The following IL7 variants were observed in gnomAD, a reference collection of about 807,000 sequenced individuals.
The protein encoded by IL7 is interleukin-7.
IL7 carries 3 observed loss-of-function variants against 21.6 expected under a neutral mutation model. That is an observed-to-expected ratio of 0.14 (90% CI 0.06 to 0.36). The LOEUF is 0.36. Ranked by LOEUF, IL7 falls within the 10% of genes least tolerant of loss-of-function variation. IL7 has a pLI of 1.00. For missense variants in IL7, 175 were observed against 200.2 expected (o/e 0.87, Z 0.76); for synonymous variants, 62 against 68.1 (o/e 0.91, Z 0.44).
At chr8:78,696,442 A>T (rs1810417722) in intron 3 of IL7, among the ~76,000 whole-genome samples, 1 of 152,258 alleles carries the variant, frequency 6.6e-6, no homozygotes, top group Non-Finnish European at 1.5e-5. Context: ...GGCTAGAACC[A>T]GCATGAGTCT....
chr8:78,703,860 C>CT (rs1810684879), intron 3 of IL7, among the ~76,000 whole-genome samples: 1 of 152,114 alleles, frequency 6.6e-6, no homozygotes, highest in Non-Finnish European at 1.5e-5. Context: ...GTTTATGTAA[C>CT]TAACAGTTTT....
chr8:78,684,302 C>T (rs1325261457), intron 4 of IL7, among the ~76,000 whole-genome samples: 1 of 152,194 alleles, frequency 6.6e-6, no homozygotes, highest in Non-Finnish European at 1.5e-5. Flanking sequence ...GCCTCACAAT[C>T]ATGGTGGAAG....
chr8:78,796,126 T>C (rs1813845548), intron 2 of IL7, among the ~76,000 whole-genome samples: 1 of 152,006 alleles, frequency 6.6e-6, no homozygotes, highest in Non-Finnish European at 1.5e-5. Flanking sequence ...TCTGAAACCT[T>C]GGAAAAAATT....
rs1811483571 is a variant in IL7, at chr8:78,733,688, T to A, written c.*25A>T. ...TTGGAGGATGCAGCTAAAGTTCGTG[T>A]TTCTATATTGCCACTCCATATTTTT... On this transcript the variant is annotated 3_prime_UTR_variant, in exon 6 of 6. Coordinates refer to ENST00000263851, the MANE Select transcript of IL7 (RefSeq NM_000880.4). 4 of 1,591,604 alleles carry A rather than the reference T, an allele frequency of 2.5e-6. No homozygotes were observed. Among genetic ancestry groups the A allele is most frequent in the Admixed American group, 3.6e-5 (2 of 55,440 alleles).
At chr8:78,785,945 A>G (rs994986394) in intron 2 of IL7, among the ~76,000 whole-genome samples, 1 of 152,128 alleles carries the variant, frequency 6.6e-6, no homozygotes, top group African/African-American at 2.4e-5. Flanking sequence ...AAGTGGGAAA[A>G]CCTGTGGTCA....
intron 2 of IL7, among the ~76,000 whole-genome samples, chr8:78,757,996 T>C (rs1415194440): frequency 6.6e-6 from 1 of 152,078 alleles, no homozygotes; most frequent in Non-Finnish European, 1.5e-5. Flanking sequence ...TCATGTAAGA[T>C]ATCCCTTTGT....
intron 4 of IL7, chr8:78,679,415 T>C (rs891630892): frequency 6.6e-6 from 1 of 152,222 alleles, no homozygotes; most frequent in Non-Finnish European, 1.5e-5. Context: ...GCTTTATGTC[T>C]AGATTACTTA....
chr8:78,771,292 G>T (rs1162632577), intron 2 of IL7, among the ~76,000 whole-genome samples: 1 of 151,898 alleles, frequency 6.6e-6, no homozygotes, highest in South Asian at 2.1e-4. Context: ...GTTTTGATTG[G>T]TCTAAGACTT....
chr8:78,698,376 TTAGAG>T (rs752717675), intron 3 of IL7: 2 of 1,525,100 alleles, frequency 1.3e-6, no homozygotes, highest in Admixed American at 1.8e-5. Context: ...GTAACCTTTT[TTAGAG>T]TATTGTTAAA....
chr8:78,776,312 C>T (rs1450222837), intron 2 of IL7, among the ~76,000 whole-genome samples: 2 of 151,982 alleles, frequency 1.3e-5, no homozygotes, highest in Non-Finnish European at 2.9e-5. Flanking sequence ...GATGATTCAC[C>T]CCTTGGATGG....
intron 2 of IL7, among the ~76,000 whole-genome samples, chr8:78,768,227 A>G (rs1263158442): frequency 6.6e-6 from 1 of 152,138 alleles, no homozygotes; most frequent in Non-Finnish European, 1.5e-5. Context: ...GCCACAATAA[A>G]CATACGTGTG....
rs200593449 is a variant in IL7, at chr8:78,678,710, C to T, written n.274-2606G>A. ...TATATAACCTTTTGAACAGTATGAA[C>T]TTTGGTGTTATGTATGTTGAAAAAT... is the stretch of plus-strand genomic sequence containing the variant. On this transcript the variant is annotated intron_variant and non_coding_transcript_variant, in intron 4 of 4. Coordinates refer to the IL7 transcript ENST00000523959. 5.5e-4 allele frequency: 824 copies of T among 1,494,108 alleles called. 2 individuals are homozygous for T. The highest frequency in any genetic ancestry group is 6.9e-4 in the Non-Finnish European group (763 of 1,103,232). 92.6% of individuals were successfully genotyped at this position (1,494,108 alleles called of 1,614,324 possible). A position where few individuals can be genotyped will look rare whatever the true frequency, so the allele number is the denominator to read the frequency against.
At chr8:78,741,965 A>G (rs536799621) in intron 2 of IL7, among the ~76,000 whole-genome samples, 6 of 152,310 alleles carry the variant, frequency 3.9e-5, no homozygotes, top group African/African-American at 1.4e-4. Context: ...TTACTTGACC[A>G]AAGTCCCAAT....
intron 2 of IL7, among the ~76,000 whole-genome samples, chr8:78,766,708 C>T (rs974629619): frequency 1.4e-4 from 22 of 152,094 alleles, no homozygotes; most frequent in African/African-American, 4.8e-4. Flanking sequence ...TTATTCAATA[C>T]TTATTGATGA....
At chr8:78,774,859 G>T (rs1813079843) in intron 2 of IL7, among the ~76,000 whole-genome samples, 1 of 151,996 alleles carries the variant, frequency 6.6e-6, no homozygotes, top group South Asian at 2.1e-4. Flanking sequence ...TTGTGATTGT[G>T]AGTTTTCATT....
At chr8:78,754,550 A>C (rs1292739266) in intron 2 of IL7, among the ~76,000 whole-genome samples, 1 of 152,188 alleles carries the variant, frequency 6.6e-6, no homozygotes, top group African/African-American at 2.4e-5. Flanking sequence ...TTTAAATTTC[A>C]CATAGAACCA....
chr8:78,799,707 C>A (rs1813987079), intron 1 of IL7, among the ~76,000 whole-genome samples: 1 of 151,914 alleles, frequency 6.6e-6, no homozygotes, highest in Admixed American at 6.6e-5. Context: ...CTTTCTGTAA[C>A]ACATACATAG....
chr8:78,752,508 T>C (rs1812208385), intron 2 of IL7, among the ~76,000 whole-genome samples: 1 of 152,200 alleles, frequency 6.6e-6, no homozygotes, highest in Non-Finnish European at 1.5e-5. Context: ...TGCATTTTTT[T>C]CCAGTGATTA....
intron 2 of IL7, among the ~76,000 whole-genome samples, chr8:78,750,754 G>A (rs1032975118): frequency 6.6e-6 from 1 of 152,142 alleles, no homozygotes; most frequent in Non-Finnish European, 1.5e-5. Context: ...AACCTGAGAG[G>A]TGGAGGTTTC....
Sources: allele counts gnomAD v4.1 joint callset (sites outside exome capture counted in the v4.1 genomes callset), GRCh38; gene constraint gnomAD v4.1.1; transcripts MANE v1.5; gene names NCBI Gene and HGNC (gene_info 2026-07-23, HGNC 2026-07-21).